Variants in DRC8 observed in about 807,000 individuals in gnomAD.
DRC8 encodes the protein dynein regulatory complex protein 8.
chr1:245,072,849 G>T, the DRC8 span, among the ~76,000 whole-genome samples: 1 of 152,046 alleles, frequency 6.6e-6, no homozygotes, highest in Admixed American at 6.5e-5. Flanking sequence ...TCCTCCCTCC[G>T]CACTCTCTCT....
At chr1:244,988,655 T>A in the DRC8 span, among the ~76,000 whole-genome samples, 1 of 152,212 alleles carries the variant, frequency 6.6e-6, no homozygotes, top group South Asian at 2.1e-4. Context: ...ATTAGACCTT[T>A]GCCTGTTTTC....
the DRC8 span, among the ~76,000 whole-genome samples, chr1:245,090,188 C>T: frequency 0.012 from 1,750 of 152,130 alleles, 41 homozygotes; most frequent in African/African-American, 0.039. Context: ...GTGGGGCTAA[C>T]GCATGAGGGA....
At chr1:245,032,260 T>A in the DRC8 span, among the ~76,000 whole-genome samples, 2 of 152,122 alleles carry the variant, frequency 1.3e-5, no homozygotes, top group African/African-American at 4.8e-5. Flanking sequence ...ATTACTTTTA[T>A]CTTTAAAGGG....
chr1:245,104,900 G>A, the DRC8 span, among the ~76,000 whole-genome samples: 211 of 152,288 alleles, frequency 1.4e-3, 1 homozygote, highest in African/African-American at 4.7e-3. Context: ...CAAGGTCCTC[G>A]TGTTGCATTT....
the DRC8 span, among the ~76,000 whole-genome samples, chr1:245,064,748 G>GCT: frequency 6.6e-6 from 1 of 152,158 alleles, no homozygotes; most frequent in East Asian, 1.9e-4. Flanking sequence ...TGAAGGCACT[G>GCT]CTCATCTTCA....
chr1:245,020,581 G>T, the DRC8 span, among the ~76,000 whole-genome samples: 110,066 of 145,360 alleles, frequency 0.76, 41,332 homozygotes, highest in East Asian at 0.89. Flanking sequence ...CATTCTCACT[G>T]TTTCCACAAG....
chr1:245,053,459 T>C, the DRC8 span, among the ~76,000 whole-genome samples: 2 of 152,138 alleles, frequency 1.3e-5, no homozygotes, highest in Admixed American at 6.5e-5. Flanking sequence ...GCCCCAGAGC[T>C]CAATGGAGAG....
chr1:245,001,388 T>A, the DRC8 span, among the ~76,000 whole-genome samples: 1 of 152,184 alleles, frequency 6.6e-6, no homozygotes, highest in Non-Finnish European at 1.5e-5. Context: ...ACTTGGTGGC[T>A]CATCAGAGTC....
the DRC8 span, chr1:245,059,543 T>G: frequency 5.6e-5 from 64 of 1,143,740 alleles, no homozygotes; most frequent in Non-Finnish European, 7.1e-5. Context: ...TACCGGAAAC[T>G]AAAAAAAAGT....
the DRC8 span, chr1:245,087,286 GCTGC>G: frequency 6.2e-7 from 1 of 1,610,860 alleles, no homozygotes; most frequent in Non-Finnish European, 8.5e-7. Context: ...AATGTTGTCT[GCTGC>G]AATTGATCCA....
the DRC8 span, among the ~76,000 whole-genome samples, chr1:245,006,182 T>C: frequency 6.6e-6 from 1 of 152,210 alleles, no homozygotes; most frequent in Non-Finnish European, 1.5e-5. Flanking sequence ...TAAATTTGCA[T>C]TTTAGATCAT....
the DRC8 span, among the ~76,000 whole-genome samples, chr1:245,010,187 A>T: frequency 6.6e-6 from 1 of 152,144 alleles, no homozygotes; most frequent in African/African-American, 2.4e-5. Flanking sequence ...TTAGGGCCGC[A>T]CAACAAGCTT....
At chr1:245,028,349 A>G in the DRC8 span, among the ~76,000 whole-genome samples, 6,392 of 152,324 alleles carry the variant, frequency 0.042, 336 homozygotes, top group Admixed American at 0.16. Flanking sequence ...GGTTGTTTGT[A>G]ATATGATGCT....
chr1:245,001,773 G>A, the DRC8 span, among the ~76,000 whole-genome samples: 1 of 152,200 alleles, frequency 6.6e-6, no homozygotes, highest in African/African-American at 2.4e-5. Flanking sequence ...CTGCTGTCTT[G>A]ACTGAGTTCG....
the DRC8 span, chr1:245,002,074 A>C: frequency 1.3e-6 from 2 of 1,490,140 alleles, no homozygotes; most frequent in Non-Finnish European, 9.2e-7. Flanking sequence ...TCATATGACA[A>C]TTTTTATTGA....
the DRC8 span, among the ~76,000 whole-genome samples, chr1:245,057,803 TTCTTC>T: frequency 3.3e-5 from 5 of 152,206 alleles, no homozygotes; most frequent in Admixed American, 2.0e-4. Flanking sequence ...AACATTATAA[TTCTTC>T]TCTTCTTGCT....
At chr1:245,020,872 C>G in the DRC8 span, among the ~76,000 whole-genome samples, 1 of 151,538 alleles carries the variant, frequency 6.6e-6, no homozygotes, top group Non-Finnish European at 1.5e-5. Context: ...TCAGGTGATC[C>G]ACCCACCTTG....
the DRC8 span, among the ~76,000 whole-genome samples, chr1:245,101,305 C>T: frequency 1.3e-5 from 2 of 152,302 alleles, no homozygotes; most frequent in Non-Finnish European, 2.9e-5. Context: ...TTCCCACATC[C>T]TGGTTTTGCT....
the DRC8 span, among the ~76,000 whole-genome samples, chr1:245,009,786 C>G: frequency 6.6e-6 from 1 of 151,648 alleles, no homozygotes; most frequent in African/African-American, 2.4e-5. Flanking sequence ...ATTTTTTAAT[C>G]CAGTTGAACT....
Sources: gnomAD v4.1 joint callset for allele counts (sites outside exome capture counted in the v4.1 genomes callset) on GRCh38, gnomAD v4.1.1 for gene constraint, MANE v1.5 for transcripts, NCBI Gene and HGNC (gene_info 2026-07-23, HGNC 2026-07-21) for gene names.